IL22RA1: variants seen among roughly 807,000 people sequenced by gnomAD.
IL22RA1 encodes interleukin-22 receptor subunit alpha-1.
Under a neutral mutation model 32.8 loss-of-function variants are expected in IL22RA1, and 25 were observed. The ratio of observed to expected loss-of-function variants is 0.76; its 90% CI spans 0.55 to 1.06. The LOEUF is 1.06. IL22RA1 is among the 50% of genes least tolerant of loss of function. The pLI, the probability that IL22RA1 is intolerant of heterozygous loss-of-function variation, is 0.00. For synonymous variants in IL22RA1, 305 were observed against 305.0 expected (o/e 1.00, Z 0.00); for missense variants, 709 against 727.4 (o/e 0.97, Z 0.29).
intron 1 of IL22RA1, among the ~76,000 whole-genome samples, chr1:24,141,744 C>G (rs939285474): frequency 6.6e-6 from 1 of 152,138 alleles, no homozygotes. Context: ...CGGCACTTCC[C>G]GGGTGAAAGT....
rs1415345065 is a variant in IL22RA1 at position 24,137,156 on chromosome 1, A to G, written c.330T>C (p.Thr110=). Residue 110 remains threonine (T), a synonymous_variant, in exon 3 of 7, where the codon ACT becomes ACC. Coordinates refer to ENST00000270800, the MANE Select transcript of IL22RA1 (RefSeq NM_021258.4). The stretch of plus-strand genomic sequence containing the variant: ...TGTGCTGCAGAGAGCTGAACCTGTC[A>G]GTCATCTTGGTGGCTGACCGGCCTC... ...SAGGRSATKM[T]DRFSSLQHTT... 2.5e-6 allele frequency: 4 copies of G among 1,613,782 alleles called. No homozygotes were observed. In the East Asian group the frequency reaches 8.9e-5, roughly 36 times the overall value.
chr1:24,142,212 G>A (rs1279083350), intron 1 of IL22RA1, among the ~76,000 whole-genome samples: 2 of 152,224 alleles, frequency 1.3e-5, no homozygotes, highest in Non-Finnish European at 2.9e-5. Context: ...GACAGTGGCA[G>A]AGAAGGTGGG....
chr1:24,126,943 G>A (rs1644165417), intron 5 of IL22RA1, among the ~76,000 whole-genome samples: 1 of 151,672 alleles, frequency 6.6e-6, no homozygotes, highest in South Asian at 2.1e-4. Flanking sequence ...GGCTGAGGTG[G>A]GTGGATCACT....
chr1:24,138,094 C>T (rs1644254881), intron 2 of IL22RA1, among the ~76,000 whole-genome samples: 1 of 152,142 alleles, frequency 6.6e-6, no homozygotes, highest in Admixed American at 6.5e-5. Flanking sequence ...CCAGGCCACC[C>T]CTCCTCACCT....
In IL22RA1 at chr1:24,121,329, G is replaced by A. The variant is rs746058549; in HGVS notation, c.1201C>T (p.Pro401Ser). Residue 401 changes from proline to serine, a missense_variant, in exon 7 of 7, where the codon CCC (proline) becomes TCC (serine). Transcript: ENST00000270800. ...CCTTCCATGCATACCCCATAGGAGG[G>A]AGGCCAGCTGTCCGGAGTGGCTTGA... ...APQATPDSWPPSYGVCMEGSG... is the reference protein window; with the variant it reads ...APQATPDSWPSSYGVCMEGSG... 3.7e-6 allele frequency: 6 copies of A among 1,606,754 alleles called. No homozygotes were observed. The highest frequency in any genetic ancestry group is 5.1e-6 in the Non-Finnish European group (6 of 1,174,940).
rs979403076 is a variant in IL22RA1 at position 24,121,723 on chromosome 1, G to A, written c.807C>T (p.Val269=). The A allele has an allele frequency of 3.9e-6, 6 of 1,538,932 alleles. No individual in the cohort carries two copies. Among genetic ancestry groups the A allele is most frequent in the South Asian group, 1.3e-5 (1 of 79,386 alleles). Reference sequence around the variant, plus strand: ...TGAAGCGCAGCGGCTGGAAAGTCAGGACTCGCTGGACGTTCTGTGCAGGGA... The same window carrying A: ...TGAAGCGCAGCGGCTGGAAAGTCAGAACTCGCTGGACGTTCTGTGCAGGGA... ...APPNSLNVQR[V]LTFQPLRFIQ... Residue 269 remains valine, a synonymous_variant, in exon 7 of 7, where the codon GTC becomes GTT. Transcript: ENST00000270800.
At chr1:24,138,360 G>A (rs575028550) in intron 2 of IL22RA1, among the ~76,000 whole-genome samples, 2 of 152,270 alleles carry the variant, frequency 1.3e-5, no homozygotes, top group African/African-American at 2.4e-5. Flanking sequence ...AGGCGAGAGC[G>A]GCATTTAAGC....
rs576708437 is a variant in IL22RA1 at position 24,121,372 on chromosome 1, C to G, written c.1158G>C (p.Gln386His). ...FYAPQAISKV[Q>H]PSSYAPQATP... ...TGGCTTGAGGGGCATAGGAGGAAGG[C>G]TGGACCTTAGAGATGGCCTGTGGGG... The change falls in exon 7 of 7, where the codon CAG (glutamine) becomes CAC (histidine). Residue 386 changes from glutamine to histidine, a missense_variant. Transcript: ENST00000270800. The G allele has an allele frequency of 1.9e-6, 3 of 1,576,558 alleles. No individual in the cohort carries two copies. In the South Asian group the frequency reaches 3.5e-5, roughly 19 times the overall value.
chr1:24,122,281 C>T (rs1225043653), intron 6 of IL22RA1, among the ~76,000 whole-genome samples: 1 of 152,098 alleles, frequency 6.6e-6, no homozygotes, highest in Non-Finnish European at 1.5e-5. Context: ...TCTGCAGTGG[C>T]CTTGCTGCTC....
chr1:24,135,384 A>AT (rs1391952142), intron 3 of IL22RA1, among the ~76,000 whole-genome samples: 7 of 152,208 alleles, frequency 4.6e-5, no homozygotes, highest in Admixed American at 3.9e-4. Context: ...TATTTCACAC[A>AT]TTTTCTACAA....
intron 4 of IL22RA1, among the ~76,000 whole-genome samples, chr1:24,131,201 G>A (rs1644202483): frequency 6.6e-6 from 1 of 152,136 alleles, no homozygotes; most frequent in Non-Finnish European, 1.5e-5. Flanking sequence ...TTTTGGAAAT[G>A]ACAGAAAAAA....
At chr1:24,128,783 T>C (rs775112162) in intron 4 of IL22RA1, among the ~76,000 whole-genome samples, 3 of 152,216 alleles carry the variant, frequency 2.0e-5, no homozygotes, top group Non-Finnish European at 4.4e-5. Flanking sequence ...TGGTCGCCCA[T>C]CTCTGGGTTT....
intron 4 of IL22RA1, 87 bp downstream of exon 4, chr1:24,134,124 C>T: frequency 9.0e-7 from 1 of 1,114,266 alleles, no homozygotes; most frequent in Non-Finnish European, 1.3e-6. Context: ...ATAACATGTC[C>T]CCTTTTTTTC....
intron 6 of IL22RA1, among the ~76,000 whole-genome samples, chr1:24,122,474 T>C (rs1644131708): frequency 2.6e-5 from 4 of 152,162 alleles, no homozygotes; most frequent in Admixed American, 2.6e-4. Flanking sequence ...GCTTTCCACT[T>C]AACAATTAGT....
chr1:24,137,598 C>T (rs913418657), intron 2 of IL22RA1, among the ~76,000 whole-genome samples: 4 of 150,104 alleles, frequency 2.7e-5, no homozygotes, highest in African/African-American at 4.9e-5. Context: ...CTCACTGCAA[C>T]TTCTACCTCT....
intron 1 of IL22RA1, among the ~76,000 whole-genome samples, chr1:24,142,613 G>A (rs1030610895): frequency 2.6e-5 from 4 of 152,196 alleles, no homozygotes; most frequent in East Asian, 3.9e-4. Flanking sequence ...CTCAAGCTTC[G>A]TTTCCCCCGG....
intron 3 of IL22RA1, among the ~76,000 whole-genome samples, chr1:24,135,818 C>T (rs1644238064): frequency 6.6e-6 from 1 of 152,206 alleles, no homozygotes; most frequent in Non-Finnish European, 1.5e-5. Flanking sequence ...GGAACCGTCC[C>T]CATCATTCAG....
chr1:24,140,322 G>A (rs542584754), intron 1 of IL22RA1, among the ~76,000 whole-genome samples: 7 of 152,196 alleles, frequency 4.6e-5, no homozygotes, highest in Non-Finnish European at 7.3e-5. Context: ...AATGTGTTTA[G>A]TGTCTAACAG....
In IL22RA1 at chr1:24,120,791, C is replaced by T. The variant is rs752140778; in HGVS notation, c.*14G>A. 9 of 1,574,634 alleles carry T rather than the reference C, an allele frequency of 5.7e-6. No individual in the cohort carries two copies. Among genetic ancestry groups the T allele is most frequent in the Non-Finnish European group, 7.8e-6 (9 of 1,159,390 alleles). ...TAGGGACAGGGAGGAAGCACCAAGC[C>T]TTTCCCATTCCCCTCAGGACTCCCA... On this transcript the variant is annotated 3_prime_UTR_variant, in exon 7 of 7. Transcript: ENST00000270800.
Sources: allele counts gnomAD v4.1 joint callset (sites outside exome capture counted in the v4.1 genomes callset), GRCh38; gene constraint gnomAD v4.1.1; transcripts MANE v1.5; gene names NCBI Gene and HGNC (gene_info 2026-07-23, HGNC 2026-07-21).